FOXP1: variants seen among roughly 807,000 people sequenced by gnomAD.
FOXP1 encodes forkhead box protein P1.
Under a neutral mutation model 98.2 loss-of-function variants are expected in FOXP1, and 15 were observed. The observed-to-expected ratio is 0.15, with a 90% CI of 0.10 to 0.24. The LOEUF is 0.24. FOXP1 is among the 10% of genes least tolerant of loss of function. FOXP1 has a pLI of 1.00. For missense variants in FOXP1, 633 were observed against 848.5 expected (o/e 0.75, Z 3.15); for synonymous variants, 371 against 314.5 (o/e 1.18, Z -1.90).
chr3:71,518,108 GGACATTT>G (rs2042712797), intron 2 of FOXP1, among the ~76,000 whole-genome samples: 1 of 152,068 alleles, frequency 6.6e-6, no homozygotes, highest in Non-Finnish European at 1.5e-5. Context: ...AAATCTTGCT[GGACATTT>G]GACAGTGTTT....
chr3:71,465,709 T>C (rs2088639254), intron 3 of FOXP1, among the ~76,000 whole-genome samples: 1 of 152,098 alleles, frequency 6.6e-6, no homozygotes, highest in African/African-American at 2.4e-5. Context: ...TTTCCATCCA[T>C]CTAAGCTAGG....
chr3:71,034,095 G>T (rs1167295580), intron 11 of FOXP1, among the ~76,000 whole-genome samples: 6 of 152,116 alleles, frequency 3.9e-5, no homozygotes. Flanking sequence ...ATTCTCCACT[G>T]TGCGTCACTG....
chr3:70,970,721 G>A lies in FOXP1; in HGVS notation c.1722+15C>T, dbSNP rs370356350. ...TGTGCCTCTGCTGCATATTCGGGACGGCCGTTAATCTTACCTGTAAAGCTG... is the reference window on the plus strand; with the variant it reads ...TGTGCCTCTGCTGCATATTCGGGACAGCCGTTAATCTTACCTGTAAAGCTG... On this transcript the variant is annotated intron_variant, in intron 19 of 20. Coordinates refer to ENST00000649528, the MANE Select transcript of FOXP1 (RefSeq NM_001349338.3). 1.1e-4 allele frequency: 170 copies of A among 1,606,178 alleles called. No homozygotes were observed. Among genetic ancestry groups the A allele is most frequent in the African/African-American group, 7.6e-4 (57 of 74,858 alleles).
chr3:70,986,183 T>TTACC (rs1490489317), intron 14 of FOXP1, among the ~76,000 whole-genome samples: 3 of 152,224 alleles, frequency 2.0e-5, no homozygotes, highest in Non-Finnish European at 4.4e-5. Context: ...TTTTCCCTGT[T>TTACC]TACCAGCTGC....
At chr3:71,049,559 GA>G (rs57894943) in intron 9 of FOXP1, among the ~76,000 whole-genome samples, 12 of 138,464 alleles carry the variant, frequency 8.7e-5, no homozygotes, top group South Asian at 7.2e-4. Flanking sequence ...AGGAGGGAAG[GA>G]AAAAAAAAAG....
intron 5 of FOXP1, among the ~76,000 whole-genome samples, chr3:71,239,443 C>T (rs561494523): frequency 6.6e-6 from 1 of 152,216 alleles, no homozygotes; most frequent in African/African-American, 2.4e-5. Flanking sequence ...ACTCAGGAGG[C>T]TAAGGCAGGA....
intron 3 of FOXP1, among the ~76,000 whole-genome samples, chr3:71,454,528 G>T (rs1464370922): frequency 1.3e-5 from 2 of 152,148 alleles, no homozygotes; most frequent in African/African-American, 4.8e-5. Flanking sequence ...GGTTCCAAGT[G>T]TGGCCTCGAC....
At chr3:71,406,040 ACTTTTTAAAG>A (rs1203664863) in intron 3 of FOXP1, among the ~76,000 whole-genome samples, 21 of 152,068 alleles carry the variant, frequency 1.4e-4, no homozygotes, top group Admixed American at 1.4e-3. Context: ...AGGCAGCAGT[ACTTTTTAAAG>A]CTTTTCACTC....
intron 6 of FOXP1, among the ~76,000 whole-genome samples, chr3:71,172,131 T>C (rs1443314519): frequency 6.6e-6 from 1 of 152,230 alleles, no homozygotes; most frequent in East Asian, 1.9e-4. Context: ...GGCTTTTGTT[T>C]TCTGGAAGCT....
intron 3 of FOXP1, among the ~76,000 whole-genome samples, chr3:71,454,202 C>A (rs1175542189): frequency 1.3e-5 from 2 of 152,188 alleles, no homozygotes; most frequent in Non-Finnish European, 2.9e-5. Flanking sequence ...GAGAAAGTGT[C>A]TCTAAAGAAT....
At chr3:71,127,196 G>A (rs953542907) in intron 6 of FOXP1, among the ~76,000 whole-genome samples, 49 of 152,152 alleles carry the variant, frequency 3.2e-4, no homozygotes, top group African/African-American at 1.1e-3. Flanking sequence ...GGAGGCCCAC[G>A]GCACTCCAGA....
At chr3:71,089,444 C>T (rs1488088213) in intron 7 of FOXP1, among the ~76,000 whole-genome samples, 3 of 152,172 alleles carry the variant, frequency 2.0e-5, no homozygotes, top group African/African-American at 7.2e-5. Flanking sequence ...GCCTGAACCA[C>T]CCAGCTAAGC....
chr3:71,058,320 A>G (rs1422722988), intron 7 of FOXP1, among the ~76,000 whole-genome samples: 1 of 152,220 alleles, frequency 6.6e-6, no homozygotes, highest in Non-Finnish European at 1.5e-5. Context: ...TGTGTATACA[A>G]ATAATAAAAA....
intron 5 of FOXP1, among the ~76,000 whole-genome samples, chr3:71,269,206 T>C (rs2070081621): frequency 6.6e-6 from 1 of 150,440 alleles, no homozygotes; most frequent in Non-Finnish European, 1.5e-5. Flanking sequence ...CTCGAAAACA[T>C]GAGATTTCAG....
intron 3 of FOXP1, among the ~76,000 whole-genome samples, chr3:71,492,630 T>G (rs1266152991): frequency 6.6e-6 from 1 of 152,098 alleles, no homozygotes; most frequent in Non-Finnish European, 1.5e-5. Flanking sequence ...GTCTTACCAA[T>G]TAAATGCTAT....
intron 11 of FOXP1, among the ~76,000 whole-genome samples, chr3:71,021,640 C>T (rs2045460572): frequency 6.6e-6 from 1 of 152,192 alleles, no homozygotes; most frequent in Non-Finnish European, 1.5e-5. Context: ...ACTTTATATT[C>T]TCACCAGCAC....
intron 12 of FOXP1, among the ~76,000 whole-genome samples, chr3:71,011,193 T>C (rs1388699710): frequency 1.3e-5 from 2 of 152,182 alleles, no homozygotes; most frequent in Non-Finnish European, 2.9e-5. Context: ...TGCTCTCCTT[T>C]GCTACTTTAC....
chr3:71,244,679 C>T (rs1473164091), intron 5 of FOXP1, among the ~76,000 whole-genome samples: 2 of 151,912 alleles, frequency 1.3e-5, no homozygotes, highest in African/African-American at 4.8e-5. Flanking sequence ...ACATCTCATC[C>T]ACAACTGGTG....
chr3:71,382,323 T>A (rs1314890786), intron 3 of FOXP1, among the ~76,000 whole-genome samples: 1 of 152,064 alleles, frequency 6.6e-6, no homozygotes, highest in Admixed American at 6.5e-5. Context: ...GAAATAACCA[T>A]TTAAGGCTGT....
Sources: allele counts gnomAD v4.1 joint callset (sites outside exome capture counted in the v4.1 genomes callset), GRCh38; gene constraint gnomAD v4.1.1; transcripts MANE v1.5; gene names NCBI Gene and HGNC (gene_info 2026-07-23, HGNC 2026-07-21).